Variants in NCKAP5 observed in about 807,000 individuals in gnomAD.
NCKAP5 encodes the protein nck-associated protein 5.
NCKAP5 carries 92 observed loss-of-function variants against 167.0 expected under a neutral mutation model. That is an observed-to-expected ratio of 0.55 (90% confidence interval 0.47 to 0.66). NCKAP5 has a LOEUF of 0.66. NCKAP5 is among the 30% of genes least tolerant of loss of function. NCKAP5 has a pLI of 0.00. For missense variants in NCKAP5, 2,378 were observed against 2,315.0 expected, an observed-to-expected ratio of 1.03 and a Z score of -0.56; for synonymous variants, 891 against 877.4, an observed-to-expected ratio of 1.02 and a Z score of -0.27.
At chr2:133,154,949 C>T (rs1393057107) in intron 5 of NCKAP5, among the ~76,000 whole-genome samples, 1 of 152,198 alleles carries the variant, frequency 6.6e-6, no homozygotes, top group East Asian at 1.9e-4. Flanking sequence ...CACACTTAGG[C>T]TCTATACCTG....
At chr2:133,232,801 G>A (rs906478412) in intron 4 of NCKAP5, among the ~76,000 whole-genome samples, 2 of 152,126 alleles carry the variant, frequency 1.3e-5, no homozygotes, top group Non-Finnish European at 2.9e-5. Flanking sequence ...CTTTGGCACT[G>A]ACTACAAGAG....
At chr2:133,195,366 G>T (rs771617956) in intron 5 of NCKAP5, among the ~76,000 whole-genome samples, 1 of 148,934 alleles carries the variant, frequency 6.7e-6, no homozygotes, top group Non-Finnish European at 1.5e-5. Context: ...GAGAATAGAC[G>T]AAATCAGAAT....
At chr2:132,972,445 G>T (rs145646219) in intron 7 of NCKAP5, among the ~76,000 whole-genome samples, 492 of 152,288 alleles carry the variant, frequency 3.2e-3, no homozygotes, top group African/African-American at 0.011. Context: ...AGTAATTTAG[G>T]CTGGGCGCGG....
chr2:133,253,465 G>T (rs1027636202), intron 4 of NCKAP5, among the ~76,000 whole-genome samples: 1 of 152,120 alleles, frequency 6.6e-6, no homozygotes, highest in Non-Finnish European at 1.5e-5. Context: ...TTTCACAAAG[G>T]CAGAAAGTGG....
intron 3 of NCKAP5, among the ~76,000 whole-genome samples, chr2:133,440,012 T>C (rs547747994): frequency 6.6e-6 from 1 of 152,228 alleles, no homozygotes; most frequent in Non-Finnish European, 1.5e-5. Context: ...ACATTAGGAT[T>C]TACCACAATA....
chr2:133,660,197 C>T, the NCKAP5 span, among the ~76,000 whole-genome samples: 1 of 152,198 alleles, frequency 6.6e-6, no homozygotes, highest in African/African-American at 2.4e-5. Flanking sequence ...TCGCCTTTTT[C>T]CCTTCAGTCA....
At chr2:133,540,884 G>A (rs569202213) in intron 2 of NCKAP5, among the ~76,000 whole-genome samples, 193 of 141,914 alleles carry the variant, frequency 1.4e-3, no homozygotes, top group Admixed American at 3.6e-3. Context: ...GCAGCAAGCC[G>A]AGATTGGCTA....
At chr2:133,470,544 T>C (rs1301046870) in intron 3 of NCKAP5, among the ~76,000 whole-genome samples, 1 of 152,208 alleles carries the variant, frequency 6.6e-6, no homozygotes, top group Non-Finnish European at 1.5e-5. Context: ...TCCACCCAGT[T>C]CGAGCTTCCT....
At chr2:132,865,195 T>C (rs1690247197) in intron 10 of NCKAP5, among the ~76,000 whole-genome samples, 2 of 152,084 alleles carry the variant, frequency 1.3e-5, no homozygotes, top group Admixed American at 1.3e-4. Flanking sequence ...CAACATCGAA[T>C]ACTAAAAGGC....
intron 19 of NCKAP5, among the ~76,000 whole-genome samples, chr2:132,683,363 T>C (rs1046229002): frequency 6.6e-6 from 1 of 152,156 alleles, no homozygotes; most frequent in African/African-American, 2.4e-5. Context: ...CTTGGATTAA[T>C]GGAGGTCTGA....
At chr2:133,182,576 T>C (rs911384230) in intron 5 of NCKAP5, among the ~76,000 whole-genome samples, 2 of 152,120 alleles carry the variant, frequency 1.3e-5, no homozygotes, top group African/African-American at 4.8e-5. Context: ...TTTGACTGAA[T>C]AAAAATGAAT....
intron 8 of NCKAP5, among the ~76,000 whole-genome samples, chr2:132,888,147 G>T (rs1370467457): frequency 6.6e-6 from 1 of 152,086 alleles, no homozygotes; most frequent in Non-Finnish European, 1.5e-5. Context: ...TTTAACTATA[G>T]CTATGGGTGG....
intron 3 of NCKAP5, among the ~76,000 whole-genome samples, chr2:133,431,098 GT>G (rs1690132989): frequency 6.6e-6 from 1 of 152,008 alleles, no homozygotes; most frequent in Admixed American, 6.6e-5. Context: ...CATTTCTAGG[GT>G]CATTTTTCCA....
chr2:132,869,425 A>G (rs1690619369), intron 9 of NCKAP5, among the ~76,000 whole-genome samples: 1 of 152,160 alleles, frequency 6.6e-6, no homozygotes. Flanking sequence ...GATAGGTTGA[A>G]TGGTCTAGCA....
the NCKAP5 span, among the ~76,000 whole-genome samples, chr2:133,615,404 C>A: frequency 6.6e-6 from 1 of 151,610 alleles, no homozygotes; most frequent in Non-Finnish European, 1.5e-5. Context: ...TCAGGAAACT[C>A]ATCTCATGTG....
intron 3 of NCKAP5, among the ~76,000 whole-genome samples, chr2:133,307,748 G>A (rs936741921): frequency 1.3e-5 from 2 of 152,150 alleles, no homozygotes; most frequent in African/African-American, 4.8e-5. Context: ...ATGTTTTTAT[G>A]CATATGTGTA....
chr2:132,751,036 C>T (rs905204996), intron 16 of NCKAP5, among the ~76,000 whole-genome samples: 1 of 151,974 alleles, frequency 6.6e-6, no homozygotes, highest in East Asian at 1.9e-4. Flanking sequence ...CACAGCTCAG[C>T]CCATTTATTT....
At chr2:133,666,979 T>G in the NCKAP5 span, among the ~76,000 whole-genome samples, 6 of 152,026 alleles carry the variant, frequency 3.9e-5, no homozygotes, top group Admixed American at 2.0e-4. Context: ...AACTATTTGG[T>G]AGAACTGAAA....
At chr2:133,378,191 A>G (rs984537836) in intron 3 of NCKAP5, among the ~76,000 whole-genome samples, 1 of 152,206 alleles carries the variant, frequency 6.6e-6, no homozygotes, top group African/African-American at 2.4e-5. Context: ...TAAGTAAATG[A>G]TAGTACAGAT....
Sources: allele counts gnomAD v4.1 joint callset (sites outside exome capture counted in the v4.1 genomes callset), GRCh38; gene constraint gnomAD v4.1.1; transcripts MANE v1.5; gene names NCBI Gene and HGNC (gene_info 2026-07-23, HGNC 2026-07-21).